ZGPAT: variants seen among roughly 807,000 people sequenced by gnomAD.
The protein encoded by ZGPAT is zinc finger CCCH-type with G patch domain-containing protein.
In ZGPAT, 39 loss-of-function variants were observed where a neutral mutation model predicts 47.9. That is an observed-to-expected ratio of 0.81 (90% CI 0.63 to 1.06). The LOEUF is 1.06. ZGPAT is among the 50% of genes least tolerant of loss of function. The pLI, the probability that ZGPAT is intolerant of heterozygous loss-of-function variation, is 0.00. For synonymous variants in ZGPAT, 348 were observed against 292.9 expected (o/e 1.19, Z -1.92); for missense variants, 717 against 681.4 (o/e 1.05, Z -0.58).
chr20:63,730,832 A>AT (rs1258131486), intron 2 of ZGPAT, among the ~76,000 whole-genome samples: 3 of 151,872 alleles, frequency 2.0e-5, no homozygotes, highest in Admixed American at 6.6e-5. Flanking sequence ...AAACGATGGC[A>AT]TGGCAGCAGT....
intron 2 of ZGPAT, among the ~76,000 whole-genome samples, chr20:63,712,239 G>T (rs1470997148): frequency 1.3e-5 from 2 of 152,132 alleles, no homozygotes; most frequent in Non-Finnish European, 2.9e-5. Flanking sequence ...AGTTTTCCCA[G>T]CACCATTTGT....
chr20:63,726,274 C>T (rs1363263484), intron 2 of ZGPAT, among the ~76,000 whole-genome samples: 2 of 151,220 alleles, frequency 1.3e-5, no homozygotes, highest in Non-Finnish European at 2.9e-5. Flanking sequence ...TCTTGGCTCA[C>T]TGCAACCTCC....
intron 2 of ZGPAT, among the ~76,000 whole-genome samples, chr20:63,716,348 T>G (rs1015833679): frequency 6.6e-6 from 1 of 152,144 alleles, no homozygotes; most frequent in African/African-American, 2.4e-5. Context: ...GTTTAGATAG[T>G]TTGCATGCAT....
chr20:63,728,251 T>C (rs1051607417), intron 2 of ZGPAT, among the ~76,000 whole-genome samples: 1 of 152,122 alleles, frequency 6.6e-6, no homozygotes, highest in African/African-American at 2.4e-5. Context: ...TTAGCCAGGA[T>C]GGTCTCGATC....
chr20:63,708,423 C>G, intron 1 of ZGPAT, 130 bp from the exon 2 acceptor site: 1 of 641,284 alleles, frequency 1.6e-6, no homozygotes, highest in Non-Finnish European at 2.6e-6. Context: ...GCTGCGACCT[C>G]TGCGCTGGGA....
chr20:63,731,346 T>TTGG (rs10689862), intron 2 of ZGPAT, among the ~76,000 whole-genome samples: 126,498 of 148,118 alleles, frequency 0.85, 53,661 homozygotes, highest in African/African-American at 0.95. Flanking sequence ...CAGTTGGCCC[T>TTGG]TGTGTGTGTG....
intron 2 of ZGPAT, 23 bp from the exon 3 acceptor site, chr20:63,733,196 G>C: frequency 6.2e-7 from 1 of 1,609,330 alleles, no homozygotes; most frequent in South Asian, 1.1e-5. Flanking sequence ...TCTGAGCCCT[G>C]CCCCTTACGG....
chr20:63,731,323 T>G (rs532495574), intron 2 of ZGPAT, among the ~76,000 whole-genome samples: 1 of 88,836 alleles, frequency 1.1e-5, no homozygotes, highest in Non-Finnish European at 2.1e-5. Flanking sequence ...TGTGCATACA[T>G]GTGTAAAGTG....
In ZGPAT at chr20:63,709,159, C is replaced by G; in HGVS notation, c.579C>G (p.Asn193Lys). Residue 193 changes from asparagine (N) to lysine (K), a missense_variant, in exon 2 of 7, where the codon AAC (asparagine) becomes AAG (lysine). Transcript: ENST00000355969. ...FLEGKCRFKE[N>K]CRFSHGQVVS... ...AGGGAAAGTGCCGCTTTAAGGAGAACTGCAGGTAAAGCCCTTTGTTGTCAG... is the reference window on the plus strand; with the variant it reads ...AGGGAAAGTGCCGCTTTAAGGAGAAGTGCAGGTAAAGCCCTTTGTTGTCAG... 6.2e-7 allele frequency: 1 copy of G among 1,609,654 alleles called. No individual in the cohort carries two copies. The highest frequency in any genetic ancestry group is 8.5e-7 in the Non-Finnish European group (1 of 1,180,002).
chr20:63,730,019 C>CACACACAT (rs67704711), intron 2 of ZGPAT: 2 of 1,416 alleles, frequency 1.4e-3, no homozygotes, highest in African/African-American at 2.6e-3. Flanking sequence ...GACTCTACTG[C>CACACACAT]GCACACACAC....
In ZGPAT at chr20:63,708,600, A is replaced by G. The variant is rs746215830; in HGVS notation, c.20A>G (p.Glu7Gly). 11 of 1,603,702 alleles carry G rather than the reference A, an allele frequency of 6.9e-6. No individual in the cohort carries two copies. The highest frequency in any genetic ancestry group is 9.4e-6 in the Non-Finnish European group (11 of 1,173,482). The change falls in exon 2 of 7, where the codon GAG becomes GGG. Residue 7 changes from glutamate (E) to glycine (G), a missense_variant. By Grantham distance (98) the Glu-to-Gly change is moderately conservative (BLOSUM62 -2). Transcript: ENST00000355969. The stretch of plus-strand genomic sequence containing the variant: ...CTCAGCATGGACGAGGAGAGCCTGG[A>G]GTCGGCCTTGCAGACCTACCGTGCG... MDEESL[E>G]SALQTYRAQL...
intron 2 of ZGPAT, among the ~76,000 whole-genome samples, chr20:63,732,209 G>C (rs1443038677): frequency 2.1e-5 from 3 of 145,978 alleles, no homozygotes; most frequent in African/African-American, 7.4e-5. Context: ...GGGTGCATCT[G>C]TGTGTGCATG....
intron 3 of ZGPAT, 73 bp from the exon 4 acceptor site, chr20:63,733,514 C>A: frequency 6.2e-7 from 1 of 1,611,930 alleles, no homozygotes; most frequent in Non-Finnish European, 8.5e-7. Flanking sequence ...CCTTGCTCCT[C>A]ATGTCCAGGG....
At position 63,708,757 on chromosome 20, in the gene ZGPAT, G is replaced by A. The variant is rs774122781; in HGVS notation, c.177G>A (p.Lys59=). The change falls in exon 2 of 7, where the codon AAG becomes AAA. Residue 59 remains lysine, a synonymous_variant. Coordinates refer to ENST00000355969, the MANE Select transcript of ZGPAT (RefSeq NM_181485.3). ...LTEASLVSVR[K]SSLLAALDEE... is the part of the protein sequence containing the mutation. ...AGGCCAGCCTGGTGTCTGTCAGGAAGAGCAGCTTGTTGGCCGCGCTGGACG... is the reference window on the plus strand; with the variant it reads ...AGGCCAGCCTGGTGTCTGTCAGGAAAAGCAGCTTGTTGGCCGCGCTGGACG... 5 of 1,612,056 alleles carry A rather than the reference G, an allele frequency of 3.1e-6. No individual in the cohort carries two copies. Among genetic ancestry groups the A allele is most frequent in the South Asian group, 1.1e-5 (1 of 91,064 alleles).
chr20:63,732,682 ATG>A (rs11472432), intron 2 of ZGPAT, among the ~76,000 whole-genome samples: 3 of 151,360 alleles, frequency 2.0e-5, no homozygotes, highest in African/African-American at 2.4e-5. Context: ...GCCTGTGTGC[ATG>A]TGTGTATGCA....
At chr20:63,712,604 T>G (rs2315008) in intron 2 of ZGPAT, among the ~76,000 whole-genome samples, 105,217 of 151,964 alleles carry the variant, frequency 0.69, 36,802 homozygotes, top group Middle Eastern at 0.75. Context: ...TTTACAATAT[T>G]AAGCCTTCTG....
chr20:63,733,785 C>G, intron 4 of ZGPAT, 46 bp downstream of exon 4: 1 of 1,569,380 alleles, frequency 6.4e-7, no homozygotes, highest in Non-Finnish European at 8.6e-7. Context: ...GGTGGGGTCA[C>G]CCTGAGAGGC....
intron 2 of ZGPAT, among the ~76,000 whole-genome samples, chr20:63,722,169 A>G (rs1462830422): frequency 6.6e-6 from 1 of 152,180 alleles, no homozygotes; most frequent in Non-Finnish European, 1.5e-5. Context: ...AAAGGTCTGT[A>G]TCATCCCTTC....
Position 63,731,664 on chromosome 20 carries a change from GTGAT to G in ZGPAT, c.585-1552_585-1549del, listed in dbSNP as rs1035724739. 9.1e-5 allele frequency among the ~76,000 whole-genome samples: 13 copies of G among 142,996 alleles called. No homozygotes were observed. The East Asian group carries it at 2.2e-3, about 25-fold the overall frequency. The allele number at this position is 142,996 out of a possible 152,430, so 93.8% of individuals were successfully genotyped here. On this transcript the variant is annotated intron_variant, in intron 2 of 6. Transcript: ENST00000355969. Reference sequence around the variant, plus strand: ...GTAAAGTGTACAGTTGGCCCTGTGTGTGATTGTGTGTGCATATGTGTGTAAAGTA... The same window carrying G: ...GTAAAGTGTACAGTTGGCCCTGTGTGTGTGTGTGCATATGTGTGTAAAGTA...
Sources: allele counts gnomAD v4.1 joint callset (sites outside exome capture counted in the v4.1 genomes callset), GRCh38; gene constraint gnomAD v4.1.1; transcripts MANE v1.5; gene names NCBI Gene and HGNC (gene_info 2026-07-23, HGNC 2026-07-21).